Variants in RDH13 observed in about 807,000 individuals in gnomAD.
RDH13 encodes retinol dehydrogenase 13 (all-trans and 9-cis).
RDH13 carries 35 observed loss-of-function variants against 28.3 expected under a neutral mutation model. The observed-to-expected ratio is 1.24, with a 90% CI of 0.95 to 1.64. The LOEUF is 1.64. Among genes scored for constraint, RDH13 ranks in the 40% most tolerant of loss-of-function variants. The probability of loss-of-function intolerance (pLI) is 0.00; values close to 1 mark genes in which losing one functional copy is unlikely to be tolerated. For synonymous variants in RDH13, 229 were observed against 198.5 expected (o/e 1.15, Z -1.29); for missense variants, 514 against 446.3 (o/e 1.15, Z -1.37).
At chr19:55,068,754 T>G (rs1315494590) in intron 1 of RDH13, 1 of 144,374 alleles carries the variant, frequency 6.9e-6, no homozygotes, top group African/African-American at 2.6e-5. Flanking sequence ...GAGAATGGCG[T>G]GAACCCGGGA....
At chr19:55,039,875 A>G (rs969811841), downstream of RDH13, 1 of 152,182 alleles carries the variant, frequency 6.6e-6, no homozygotes, top group Admixed American at 6.6e-5. Context: ...ATAAATTCAG[A>G]TACATGCTAC....
At chr19:55,062,264 C>T (rs1459726545) in intron 1 of RDH13, among the ~76,000 whole-genome samples, 4 of 152,152 alleles carry the variant, frequency 2.6e-5, no homozygotes. Context: ...CAGAGGCTAA[C>T]GCTGGCAACA....
At chr19:55,060,305 C>CT (rs1266195732) in intron 1 of RDH13, among the ~76,000 whole-genome samples, 2 of 150,980 alleles carry the variant, frequency 1.3e-5, no homozygotes. Flanking sequence ...GACATGTTTA[C>CT]AGCAATGCTG....
chr19:55,052,785 C>G (rs949976534), intron 3 of RDH13, among the ~76,000 whole-genome samples: 2 of 151,818 alleles, frequency 1.3e-5, no homozygotes, highest in Non-Finnish European at 2.9e-5. Context: ...CCTCAGCCTC[C>G]CAAGTAGCTG....
In RDH13 at chr19:55,048,960, G is replaced by A. The variant is rs182909686; in HGVS notation, c.341-197C>T. ...CAATGACTGGTGTCCTTATAGGAAG[G>A]GAAAACAGAGACAGAGACACATGGG... is the stretch of plus-strand genomic sequence containing the variant. On this transcript the variant is annotated intron_variant, in intron 3 of 6. Transcript: ENST00000415061. 8.5e-5 allele frequency among the ~76,000 whole-genome samples: 13 copies of A among 152,258 alleles called. No homozygotes were observed. In the East Asian group the frequency reaches 2.5e-3, roughly 29 times the overall value.
upstream of RDH13, among the ~76,000 whole-genome samples, chr19:55,067,927 ATCTC>A (rs1242256692): frequency 1.4e-4 from 18 of 130,040 alleles, no homozygotes; most frequent in African/African-American, 5.4e-4. Flanking sequence ...TCTCTCTCTC[ATCTC>A]TCTGTCTCCC....
chr19:55,056,697 G>T lies in RDH13; in HGVS notation c.296C>A (p.Ala99Asp), dbSNP rs766137726. Residue 99 changes from alanine to aspartate, a missense_variant, in exon 3 of 7, where the codon GCT becomes GAT. Physicochemically the swap from Ala to Asp is moderately radical, Grantham distance 126 (BLOSUM62 -2). Transcript: ENST00000415061. The stretch of plus-strand genomic sequence containing the variant: ...AAACTCTCGGATAGACTTGAGGGAA[G>T]CCAAGTCCAGGTGCCGGGCGTTGAC... ...HHVNARHLDL[A>D]SLKSIREFAA... 23 of 1,613,950 alleles carry T rather than the reference G, an allele frequency of 1.4e-5. No individual in the cohort carries two copies. In the Admixed American group the frequency reaches 3.8e-4, roughly 27 times the overall value.
At chr19:55,067,554 TA>T, upstream of RDH13, 1 of 152,196 alleles carries the variant, frequency 6.6e-6, no homozygotes, top group Non-Finnish European at 1.5e-5. Flanking sequence ...GAGCCATCAG[TA>T]AAAGGACCCA....
At chr19:55,047,598 C>T in intron 5 of RDH13, 110 bp from the exon 6 acceptor site, 3 of 1,459,876 alleles carry the variant, frequency 2.1e-6, no homozygotes, top group Admixed American at 2.4e-5. Flanking sequence ...GCTTCCTGCA[C>T]TCAAACCCCA....
At chr19:55,039,930 G>A (rs1225467448), downstream of RDH13, among the ~76,000 whole-genome samples, 2 of 152,200 alleles carry the variant, frequency 1.3e-5, no homozygotes. Flanking sequence ...AAATATTCCG[G>A]ACTTGACAGA....
In RDH13 at chr19:55,063,038, G is replaced by T. The variant is rs1337888587; in HGVS notation, c.-6C>A. The T allele has an allele frequency of 7.6e-7, 1 of 1,321,708 alleles. No individual in the cohort carries two copies. The highest frequency in any genetic ancestry group is 3.3e-5 in the East Asian group (1 of 30,282). 81.9% of individuals were successfully genotyped at this position (1,321,708 alleles called of 1,614,324 possible). A position where few individuals can be genotyped will look rare whatever the true frequency, so the allele number is the denominator to read the frequency against. ...GGCAGCAGGTAGCGGCTCATGCCGG[G>T]CCGGGGACAGGCGTCAGGCGTCAGG... On this transcript the variant is annotated 5_prime_UTR_variant, in exon 1 of 7. Transcript: ENST00000415061.
upstream of RDH13, chr19:55,063,245 C>A: frequency 2.4e-6 from 1 of 412,478 alleles, no homozygotes; most frequent in Non-Finnish European, 4.2e-6. Flanking sequence ...GAGCATCGGT[C>A]CTGAGCGCTG....
At chr19:55,060,100 C>A (rs956786130) in intron 1 of RDH13, among the ~76,000 whole-genome samples, 2 of 151,400 alleles carry the variant, frequency 1.3e-5, no homozygotes, top group South Asian at 4.2e-4. Flanking sequence ...AAGACCTGAC[C>A]GTCCCCCAGC....
downstream of RDH13, among the ~76,000 whole-genome samples, chr19:55,043,489 G>A (rs1036555256): frequency 1.4e-4 from 19 of 140,598 alleles, no homozygotes; most frequent in African/African-American, 5.1e-4. Flanking sequence ...TTCAAGATAA[G>A]CCTGGCCAAC....
chr19:55,049,335 C>T (rs1411204595), intron 3 of RDH13, among the ~76,000 whole-genome samples: 1 of 152,176 alleles, frequency 6.6e-6, no homozygotes, highest in Non-Finnish European at 1.5e-5. Context: ...GTTTCATTCC[C>T]AAACCTGCCA....
chr19:55,044,921 T>C lies in RDH13; in HGVS notation c.*153A>G. The C allele has an allele frequency of 1.6e-6, 1 of 612,068 alleles. No individual in the cohort carries two copies. 37.9% of individuals were successfully genotyped at this position (612,068 alleles called of 1,614,324 possible). A position where few individuals can be genotyped will look rare whatever the true frequency, so the allele number is the denominator to read the frequency against. On this transcript the variant is annotated 3_prime_UTR_variant, in exon 7 of 7. Coordinates refer to ENST00000415061, the MANE Select transcript of RDH13 (RefSeq NM_001145971.2). Reference sequence around the variant, plus strand: ...AGTGCTCACCTGCAGGCCAGTCCACTGCGGCCAGCACCGCCCCCTAGAACC... The same window carrying C: ...AGTGCTCACCTGCAGGCCAGTCCACCGCGGCCAGCACCGCCCCCTAGAACC...
intron 3 of RDH13, among the ~76,000 whole-genome samples, chr19:55,051,302 C>G (rs1464382466): frequency 6.6e-6 from 1 of 152,188 alleles, no homozygotes; most frequent in African/African-American, 2.4e-5. Context: ...GTGCGGAGAC[C>G]CAGGGAAGGG....
rs748903704 is a variant in RDH13, at chr19:55,045,218, G to A, written c.852C>T (p.Ser284=). 3.3e-5 allele frequency: 54 copies of A among 1,613,348 alleles called. No individual in the cohort carries two copies. The highest frequency in any genetic ancestry group is 5.3e-5 in the African/African-American group (4 of 74,938). ...GTTTGAGTCCATCGAAGTACTTTCC[G>A]GAAACATCCGCCAGTTCCTCCGCCA... The part of the protein sequence containing the change: ...LAVAEELADV[S]GKYFDGLKQK... The change falls in exon 7 of 7, where the codon TCC becomes TCT. Residue 284 remains serine, a synonymous_variant. Coordinates refer to ENST00000415061, the MANE Select transcript of RDH13 (RefSeq NM_001145971.2).
intron 3 of RDH13, among the ~76,000 whole-genome samples, chr19:55,051,631 T>C (rs2075439031): frequency 6.6e-6 from 1 of 151,770 alleles, no homozygotes; most frequent in Non-Finnish European, 1.5e-5. Flanking sequence ...GGTTTCACCA[T>C]CTTGGTCAGG....
Sources: allele counts gnomAD v4.1 joint callset (sites outside exome capture counted in the v4.1 genomes callset), GRCh38; gene constraint gnomAD v4.1.1; transcripts MANE v1.5; gene names NCBI Gene and HGNC (gene_info 2026-07-23, HGNC 2026-07-21).